Variants in GALNTL6 observed in about 807,000 individuals in gnomAD.
GALNTL6 encodes polypeptide N-acetylgalactosaminyltransferase like 6, also known as polypeptide N-acetylgalactosaminyltransferase-like 6.
In GALNTL6, 46 loss-of-function variants were observed where a neutral mutation model predicts 73.7. The ratio of observed to expected loss-of-function variants is 0.62; its 90% CI spans 0.49 to 0.80. GALNTL6 has a LOEUF of 0.80. Ranked by LOEUF, GALNTL6 falls within the 30% of genes least tolerant of loss-of-function variation. The probability of loss-of-function intolerance (pLI) is 0.00; values close to 1 mark genes in which losing one functional copy is unlikely to be tolerated. For missense variants in GALNTL6, 604 were observed against 755.0 expected, an observed-to-expected ratio of 0.80 and a Z score of 2.34; for synonymous variants, 259 against 263.7, an observed-to-expected ratio of 0.98 and a Z score of 0.17.
chr4:172,392,031 C>T (rs1296806138), intron 5 of GALNTL6, among the ~76,000 whole-genome samples: 2 of 152,094 alleles, frequency 1.3e-5, no homozygotes, highest in African/African-American at 4.8e-5. Flanking sequence ...CTCTGTAGCC[C>T]AGGCTGGAAT....
At chr4:172,584,821 T>C (rs138252969) in intron 5 of GALNTL6, among the ~76,000 whole-genome samples, 4 of 152,254 alleles carry the variant, frequency 2.6e-5, no homozygotes, top group African/African-American at 4.8e-5. Context: ...ATTCTTCTCA[T>C]TGAGATTTGA....
At chr4:172,664,758 C>CGGTTCTT (rs1731571198) in intron 5 of GALNTL6, among the ~76,000 whole-genome samples, 1 of 152,112 alleles carries the variant, frequency 6.6e-6, no homozygotes, top group Non-Finnish European at 1.5e-5. Flanking sequence ...ACAAATTGGC[C>CGGTTCTT]GGTTCTTTTG....
rs1024328333 is a variant in GALNTL6 at position 173,040,714 on chromosome 4, T to C, written c.*614T>C. The C allele has an allele frequency of 1.3e-5, 2 of 152,632 alleles. No homozygotes were observed. The highest frequency in any genetic ancestry group is 4.8e-5 in the African/African-American group (2 of 41,450). The allele number at this position is 152,632 out of a possible 1,614,324, so 9.5% of individuals were successfully genotyped here. A position where few individuals can be genotyped will look rare whatever the true frequency, so the allele number is the denominator to read the frequency against. On this transcript the variant is annotated 3_prime_UTR_variant, in exon 13 of 13. Transcript: ENST00000506823. ...ATTACATAATGAAATGGACATCCAG[T>C]GTTCCCATTCTTTCGTTTATATTTG...
At chr4:172,351,348 A>G (rs993312688) in intron 5 of GALNTL6, among the ~76,000 whole-genome samples, 1 of 152,156 alleles carries the variant, frequency 6.6e-6, no homozygotes, top group Non-Finnish European at 1.5e-5. Context: ...CATTTAAAAC[A>G]TCTCCAATAT....
At chr4:171,985,883 C>T (rs971083371) in intron 2 of GALNTL6, among the ~76,000 whole-genome samples, 2 of 151,454 alleles carry the variant, frequency 1.3e-5, no homozygotes, top group Non-Finnish European at 2.9e-5. Flanking sequence ...ACTAAAAATA[C>T]AAAAATTAGC....
chr4:172,416,624 T>C (rs1446643300), intron 5 of GALNTL6, among the ~76,000 whole-genome samples: 1 of 152,166 alleles, frequency 6.6e-6, no homozygotes, highest in Non-Finnish European at 1.5e-5. Flanking sequence ...TTTATTGATA[T>C]AAATAAAGAG....
At chr4:172,035,920 T>C (rs1309731542) in intron 2 of GALNTL6, among the ~76,000 whole-genome samples, 1 of 152,148 alleles carries the variant, frequency 6.6e-6, no homozygotes, top group African/African-American at 2.4e-5. Flanking sequence ...TGAAATGTAT[T>C]ATTTGCATAG....
At chr4:172,556,288 T>A (rs750836637) in intron 5 of GALNTL6, among the ~76,000 whole-genome samples, 4 of 151,950 alleles carry the variant, frequency 2.6e-5, no homozygotes, top group African/African-American at 9.7e-5. Context: ...TGTTTATGGG[T>A]CCATGATAAT....
At chr4:172,757,069 G>T (rs12499966) in intron 5 of GALNTL6, among the ~76,000 whole-genome samples, 22,213 of 151,934 alleles carry the variant, frequency 0.15, 1,887 homozygotes, top group East Asian at 0.26. Flanking sequence ...TTATTAATTG[G>T]CCCTGTAACT....
chr4:172,861,646 C>T (rs997229511), intron 7 of GALNTL6, among the ~76,000 whole-genome samples: 1 of 152,188 alleles, frequency 6.6e-6, no homozygotes, highest in Non-Finnish European at 1.5e-5. Flanking sequence ...CCATAATTCC[C>T]ACATGTCATG....
At chr4:171,872,223 G>T (rs976716655) in intron 2 of GALNTL6, among the ~76,000 whole-genome samples, 1 of 152,184 alleles carries the variant, frequency 6.6e-6, no homozygotes, top group African/African-American at 2.4e-5. Flanking sequence ...CACCTGACAA[G>T]ACTTTTTCTT....
chr4:172,877,758 T>C (rs1745266090), intron 7 of GALNTL6, among the ~76,000 whole-genome samples: 1 of 151,950 alleles, frequency 6.6e-6, no homozygotes, highest in Non-Finnish European at 1.5e-5. Context: ...AAGAACCTGT[T>C]GCTTCATGAT....
intron 5 of GALNTL6, among the ~76,000 whole-genome samples, chr4:172,808,852 G>C (rs1741124031): frequency 6.6e-6 from 1 of 152,126 alleles, no homozygotes; most frequent in African/African-American, 2.4e-5. Flanking sequence ...AAACTTTCTT[G>C]CTAGTTTGCT....
chr4:172,196,700 T>C (rs182889952), intron 2 of GALNTL6, among the ~76,000 whole-genome samples: 7 of 152,146 alleles, frequency 4.6e-5, no homozygotes, highest in African/African-American at 1.7e-4. Context: ...AACCACATCA[T>C]TATCTCAATA....
chr4:171,893,032 T>A lies in GALNTL6; in HGVS notation c.138+78314T>A, dbSNP rs143243965. On this transcript the variant is annotated intron_variant, in intron 2 of 12. Transcript: ENST00000506823. ...ACAATAATAGGTAGTATGTGTTTAGTGAATGAAAAAAAAATGAATAAATGA... is the reference window on the plus strand; with the variant it reads ...ACAATAATAGGTAGTATGTGTTTAGAGAATGAAAAAAAAATGAATAAATGA... Among the ~76,000 whole-genome samples, 35 of 151,860 alleles carry A rather than the reference T, an allele frequency of 2.3e-4. No homozygotes were observed. In the East Asian group the frequency reaches 6.2e-3, roughly 27 times the overall value.
chr4:171,867,992 T>TG, intron 2 of GALNTL6, among the ~76,000 whole-genome samples: 1 of 150,416 alleles, frequency 6.6e-6, no homozygotes. Flanking sequence ...TGAGGTGCTT[T>TG]TTTTTTTTTT....
At chr4:173,009,101 T>C in intron 10 of GALNTL6, 77 bp from the exon 11 acceptor site, 1 of 927,456 alleles carries the variant, frequency 1.1e-6, no homozygotes. Flanking sequence ...TCTTACTTAA[T>C]CTACACCATG....
chr4:171,988,821 A>AG (rs891188537), intron 2 of GALNTL6, among the ~76,000 whole-genome samples: 2 of 152,018 alleles, frequency 1.3e-5, no homozygotes, highest in East Asian at 1.9e-4. Context: ...TAGGATGGTA[A>AG]GGGGGGCATG....
chr4:172,543,558 T>C (rs1368688925), intron 5 of GALNTL6, among the ~76,000 whole-genome samples: 3 of 152,196 alleles, frequency 2.0e-5, no homozygotes, highest in Non-Finnish European at 4.4e-5. Flanking sequence ...TAGCTTTAGC[T>C]TTTAAAATGA....
Sources: allele counts gnomAD v4.1 joint callset (sites outside exome capture counted in the v4.1 genomes callset), GRCh38; gene constraint gnomAD v4.1.1; transcripts MANE v1.5; gene names NCBI Gene and HGNC (gene_info 2026-07-23, HGNC 2026-07-21).